NCALD: variants seen among roughly 807,000 people sequenced by gnomAD.
The protein encoded by NCALD is neurocalcin-delta.
Under a neutral mutation model 18.6 loss-of-function variants are expected in NCALD, and 10 were observed. The observed-to-expected ratio is 0.54, with a 90% CI of 0.33 to 0.91. The LOEUF is 0.91. Ranked by LOEUF, NCALD falls within the 40% of genes least tolerant of loss-of-function variation. NCALD has a pLI of 0.03. For missense variants in NCALD, 184 were observed against 247.6 expected, an observed-to-expected ratio of 0.74 and a Z score of 1.72; for synonymous variants, 88 against 87.4, an observed-to-expected ratio of 1.01 and a Z score of -0.04.
chr8:101,887,428 G>C (rs1816715431), intron 3 of NCALD, among the ~76,000 whole-genome samples: 2 of 152,138 alleles, frequency 1.3e-5, no homozygotes, highest in Admixed American at 1.3e-4. Flanking sequence ...TGTAACCCAG[G>C]AATAACAGGC....
intron 4 of NCALD, among the ~76,000 whole-genome samples, chr8:101,855,695 T>C (rs1815287907): frequency 6.6e-6 from 1 of 152,034 alleles, no homozygotes; most frequent in Non-Finnish European, 1.5e-5. Flanking sequence ...AGAGTACAAG[T>C]GCATAGGTGG....
intron 2 of NCALD, among the ~76,000 whole-genome samples, chr8:101,704,509 G>A (rs1815416922): frequency 6.6e-6 from 1 of 152,166 alleles, no homozygotes; most frequent in East Asian, 1.9e-4. Context: ...CAGCTGACAC[G>A]TAACTGAGGC....
At chr8:101,945,272 G>T (rs1351090804) in intron 2 of NCALD, among the ~76,000 whole-genome samples, 1 of 152,138 alleles carries the variant, frequency 6.6e-6, no homozygotes, top group Non-Finnish European at 1.5e-5. Context: ...TAGGCTCTGG[G>T]GATAGAAGAT....
intron 2 of NCALD, among the ~76,000 whole-genome samples, chr8:101,942,444 A>G (rs76369998): frequency 0.02 from 2,985 of 152,318 alleles, 91 homozygotes; most frequent in African/African-American, 0.067. Context: ...AACAATGATA[A>G]TTCAGTATGA....
chr8:101,943,345 A>G (rs1051351118), intron 2 of NCALD, among the ~76,000 whole-genome samples: 1 of 152,226 alleles, frequency 6.6e-6, no homozygotes, highest in Non-Finnish European at 1.5e-5. Context: ...AAATGCCAGA[A>G]AACAATCCTT....
chr8:102,035,499 C>T (rs1303800523), intron 1 of NCALD, among the ~76,000 whole-genome samples: 1 of 152,164 alleles, frequency 6.6e-6, no homozygotes, highest in Non-Finnish European at 1.5e-5. Flanking sequence ...ATCCAACACT[C>T]AGCAACAGTG....
intron 4 of NCALD, among the ~76,000 whole-genome samples, chr8:101,873,441 G>A (rs905946405): frequency 2.6e-5 from 4 of 152,140 alleles, no homozygotes; most frequent in African/African-American, 4.8e-5. Context: ...TAGTTATGGC[G>A]GATTATGGTT....
intron 2 of NCALD, among the ~76,000 whole-genome samples, chr8:101,976,763 T>G (rs1028306666): frequency 2.0e-5 from 3 of 152,040 alleles, no homozygotes; most frequent in African/African-American, 7.2e-5. Context: ...TATACCCAGG[T>G]GCACAGTCTA....
intron 1 of NCALD, among the ~76,000 whole-genome samples, chr8:102,020,864 C>T (rs1402870865): frequency 1.3e-5 from 2 of 152,162 alleles, no homozygotes; most frequent in Non-Finnish European, 2.9e-5. Flanking sequence ...CTACTTCACA[C>T]TTCCTTCAGT....
chr8:102,115,774 G>A (rs1157807957), intron 1 of NCALD, among the ~76,000 whole-genome samples: 1 of 152,136 alleles, frequency 6.6e-6, no homozygotes, highest in East Asian at 1.9e-4. Flanking sequence ...AGCATCCTTA[G>A]CCTTCCTCTG....
intron 4 of NCALD, among the ~76,000 whole-genome samples, chr8:101,870,984 A>T (rs967149922): frequency 3.4e-5 from 5 of 149,048 alleles, no homozygotes; most frequent in African/African-American, 1.2e-4. Flanking sequence ...GTAATTTTAG[A>T]TGAATGTTCT....
chr8:101,907,876 C>T (rs1817661871), intron 3 of NCALD, among the ~76,000 whole-genome samples: 1 of 152,160 alleles, frequency 6.6e-6, no homozygotes, highest in Non-Finnish European at 1.5e-5. Context: ...TAAAGTTTCA[C>T]AGTTGGTCAT....
At chr8:101,962,905 TG>T (rs1459710591) in intron 2 of NCALD, among the ~76,000 whole-genome samples, 2 of 152,144 alleles carry the variant, frequency 1.3e-5, no homozygotes, top group Non-Finnish European at 2.9e-5. Flanking sequence ...CTCATAATCC[TG>T]GGGCAGGTTA....
chr8:101,719,761 T>G (rs573316096), intron 1 of NCALD, 113 bp from the exon 2 acceptor site: 1 of 994,898 alleles, frequency 1.0e-6, no homozygotes, highest in South Asian at 1.9e-5. Context: ...ATAAACTCTA[T>G]ACGAGTCCAG....
intron 1 of NCALD, among the ~76,000 whole-genome samples, chr8:102,121,166 T>C (rs757345086): frequency 2.0e-5 from 3 of 152,220 alleles, no homozygotes; most frequent in Non-Finnish European, 2.9e-5. Flanking sequence ...AGCTAAGTAG[T>C]AAGTATTTTA....
chr8:101,731,154 C>G (rs557346796), intron 1 of NCALD, among the ~76,000 whole-genome samples: 2 of 152,138 alleles, frequency 1.3e-5, no homozygotes, highest in South Asian at 2.1e-4. Context: ...CGAGAGGGCT[C>G]TAAACTGGAG....
At chr8:102,063,534 T>C (rs2132266946) in intron 1 of NCALD, among the ~76,000 whole-genome samples, 1 of 152,326 alleles carries the variant, frequency 6.6e-6, no homozygotes, top group African/African-American at 2.4e-5. Context: ...TTTTTTAAGA[T>C]CATTATTTAA....
chr8:101,907,054 A>G (rs1389293984), intron 3 of NCALD, among the ~76,000 whole-genome samples: 1 of 152,120 alleles, frequency 6.6e-6, no homozygotes, highest in Non-Finnish European at 1.5e-5. Context: ...TATTGATCCT[A>G]TTTTTATTTA....
intron 1 of NCALD, among the ~76,000 whole-genome samples, chr8:101,746,704 G>A (rs77321317): frequency 1.0e-3 from 155 of 151,410 alleles, no homozygotes; most frequent in East Asian, 4.6e-3. Context: ...TCTCTGAAAC[G>A]TAAATTTTAT....
Sources: gnomAD v4.1 joint callset for allele counts (sites outside exome capture counted in the v4.1 genomes callset) on GRCh38, gnomAD v4.1.1 for gene constraint, MANE v1.5 for transcripts, NCBI Gene and HGNC (gene_info 2026-07-23, HGNC 2026-07-21) for gene names.